ALK: variants seen among roughly 807,000 people sequenced by gnomAD.
ALK encodes ALK tyrosine kinase receptor.
Under a neutral mutation model 163.1 loss-of-function variants are expected in ALK, and 74 were observed. That is an observed-to-expected ratio of 0.45 (90% CI 0.38 to 0.55). The LOEUF (loss-of-function observed/expected upper bound fraction) is 0.55, where lower values mean the gene tolerates loss of function less well. ALK is among the 20% of genes least tolerant of loss of function. The pLI is 0.00. For missense variants in ALK, 2,063 were observed against 2,105.3 expected, an observed-to-expected ratio of 0.98 and a Z score of 0.39; for synonymous variants, 960 against 843.2, an observed-to-expected ratio of 1.14 and a Z score of -2.40.
intron 1 of ALK, among the ~76,000 whole-genome samples, chr2:29,756,728 T>A (rs1371471130): frequency 6.6e-6 from 1 of 152,110 alleles, no homozygotes; most frequent in Non-Finnish European, 1.5e-5. Context: ...GGTTTCACCA[T>A]GTTAGCCAGG....
At chr2:29,506,751 C>A (rs112281425) in intron 4 of ALK, among the ~76,000 whole-genome samples, 8,957 of 99,646 alleles carry the variant, frequency 0.09, 950 homozygotes, top group African/African-American at 0.24. Context: ...GTCTCAAAAA[C>A]AAAACAAAAA....
chr2:29,654,943 C>T (rs189393150), intron 3 of ALK, among the ~76,000 whole-genome samples: 6 of 152,170 alleles, frequency 3.9e-5, no homozygotes, highest in African/African-American at 1.2e-4. Context: ...GAAAAGATGA[C>T]GAACTGGCTG....
Position 29,635,777 on chromosome 2 carries a change from A to AT in ALK, c.952+59072dup, listed in dbSNP as rs1553340446. Among the ~76,000 whole-genome samples the AT allele has an allele frequency of 9.1e-3, 824 of 90,588 alleles. 2 individuals are homozygous for AT. Among genetic ancestry groups the AT allele is most frequent in the Non-Finnish European group, 0.011 (407 of 36,540 alleles). The allele number at this position is 90,588 out of a possible 152,430, so 59.4% of individuals were successfully genotyped here. On this transcript the variant is annotated intron_variant, in intron 3 of 28. Transcript: ENST00000389048. Reference sequence around the variant, plus strand: ...ACCACCATGCCTGGATAATTTTTGTATTTTTTTTTTTTAATTATACTTTAA... The same window carrying AT: ...ACCACCATGCCTGGATAATTTTTGTATTTTTTTTTTTTTAATTATACTTTAA...
At chr2:29,856,258 TA>T in intron 1 of ALK, among the ~76,000 whole-genome samples, 1 of 152,168 alleles carries the variant, frequency 6.6e-6, no homozygotes, top group Non-Finnish European at 1.5e-5. Context: ...CTCTCATCTG[TA>T]AAGTGAGAAA....
chr2:29,272,594 G>A (rs184719119), intron 11 of ALK, among the ~76,000 whole-genome samples: 4 of 152,304 alleles, frequency 2.6e-5, no homozygotes, highest in East Asian at 3.9e-4. Context: ...GGGCCTTTGC[G>A]TTTCTAGTTC....
intron 3 of ALK, among the ~76,000 whole-genome samples, chr2:29,675,080 T>A (rs1304021479): frequency 6.6e-6 from 1 of 152,034 alleles, no homozygotes; most frequent in East Asian, 1.9e-4. Context: ...TCTTTATTAG[T>A]CTTGCTAGTG....
intron 1 of ALK, among the ~76,000 whole-genome samples, chr2:29,830,713 T>TAAAAAAAAAAAAAAAAAAAA (rs530774574): frequency 3.5e-5 from 1 of 28,966 alleles, no homozygotes; most frequent in African/African-American, 1.1e-4. Flanking sequence ...TAAAATAGTT[T>TAAAAAAAAAAAAAAAAAAAA]AAAAAAAAAA....
intron 4 of ALK, among the ~76,000 whole-genome samples, chr2:29,485,838 C>T (rs13383676): frequency 0.41 from 62,514 of 152,010 alleles, 13,548 homozygotes; most frequent in Non-Finnish European, 0.48. Flanking sequence ...CTGCAACTTG[C>T]GAAAAACAGT....
At position 29,799,005 on chromosome 2, in the gene ALK, A is replaced by C. The variant is rs187727663; in HGVS notation, c.668-81308T>G. 8.5e-5 allele frequency among the ~76,000 whole-genome samples: 13 copies of C among 152,322 alleles called. 1 individual carries two copies. The highest frequency in any genetic ancestry group is 8.5e-4 in the Admixed American group (13 of 15,296). On this transcript the variant is annotated intron_variant, in intron 1 of 28. Coordinates refer to ENST00000389048, the MANE Select transcript of ALK (RefSeq NM_004304.5). ...CTGAGTTTCCATTCTCTCGTCTATA[A>C]AATAGAAATTTTAGAAAATTTGCTC...
intron 1 of ALK, among the ~76,000 whole-genome samples, chr2:29,867,326 G>A (rs182430567): frequency 1.9e-4 from 29 of 152,206 alleles, no homozygotes; most frequent in African/African-American, 6.3e-4. Flanking sequence ...TGTTCTCCAG[G>A]GCGAAGGTAG....
intron 1 of ALK, among the ~76,000 whole-genome samples, chr2:29,901,581 T>C (rs1667415265): frequency 6.6e-6 from 1 of 152,220 alleles, no homozygotes; most frequent in Non-Finnish European, 1.5e-5. Context: ...ATTGCATTAT[T>C]GGCCAAGCCG....
chr2:29,281,209 A>G (rs868253032), intron 9 of ALK, among the ~76,000 whole-genome samples: 1 of 152,214 alleles, frequency 6.6e-6, no homozygotes, highest in African/African-American at 2.4e-5. Context: ...ACCCTGACAC[A>G]TCACTGCCAA....
chr2:29,280,539 G>A (rs1399182946), intron 9 of ALK, among the ~76,000 whole-genome samples: 1 of 151,206 alleles, frequency 6.6e-6, no homozygotes, highest in African/African-American at 2.4e-5. Context: ...AACACTGTGG[G>A]ACTGAGGGGA....
intron 4 of ALK, among the ~76,000 whole-genome samples, chr2:29,413,689 G>T (rs1669792828): frequency 6.6e-6 from 1 of 152,016 alleles, no homozygotes; most frequent in Non-Finnish European, 1.5e-5. Flanking sequence ...CCTCCACCAT[G>T]CCCGGCTAAT....
rs1035241976 is a variant in ALK at position 29,671,394 on chromosome 2, T to C, written c.952+23456A>G. ...CAGCCACATTGATTTGGCATCTCCTTTGGCTGAGTTACAGAGTAGAGTTTC... is the reference window on the plus strand; with the variant it reads ...CAGCCACATTGATTTGGCATCTCCTCTGGCTGAGTTACAGAGTAGAGTTTC... On this transcript the variant is annotated intron_variant, in intron 3 of 28. Coordinates refer to ENST00000389048, the MANE Select transcript of ALK (RefSeq NM_004304.5). Among the ~76,000 whole-genome samples the C allele has an allele frequency of 8.5e-5, 13 of 152,166 alleles. No individual in the cohort carries two copies. In the South Asian group the frequency reaches 1.0e-3, roughly 12 times the overall value.
At chr2:29,787,460 G>A (rs1664064497) in intron 1 of ALK, among the ~76,000 whole-genome samples, 1 of 152,164 alleles carries the variant, frequency 6.6e-6, no homozygotes, top group Admixed American at 6.5e-5. Context: ...AGCACTTACT[G>A]GACTCATACT....
chr2:29,252,058 C>T (rs902199477), intron 11 of ALK, among the ~76,000 whole-genome samples: 12 of 152,196 alleles, frequency 7.9e-5, no homozygotes, highest in Non-Finnish European at 1.3e-4. Context: ...GTCTTTGGTG[C>T]ATGCTCCTCC....
Position 29,276,135 on chromosome 2 carries a change from G to A in ALK, c.1818-639C>T, listed in dbSNP as rs569266997. The stretch of plus-strand genomic sequence containing the variant: ...CCAGCACCCATAGGGTTTATCCATT[G>A]ATTAGCCCAGCAGGGGTCTCAAGCA... On this transcript the variant is annotated intron_variant, in intron 9 of 28. Transcript: ENST00000389048. Among the ~76,000 whole-genome samples the A allele has an allele frequency of 2.5e-4, 38 of 152,252 alleles. 1 individual carries two copies. The South Asian group carries it at 4.4e-3, about 17-fold the overall frequency.
At chr2:29,620,371 C>A (rs1446849349) in intron 3 of ALK, among the ~76,000 whole-genome samples, 1 of 152,136 alleles carries the variant, frequency 6.6e-6, no homozygotes, top group African/African-American at 2.4e-5. Flanking sequence ...TTATAAGGAT[C>A]TACCTTCCTC....
Sources: gnomAD v4.1 joint callset for allele counts (sites outside exome capture counted in the v4.1 genomes callset) on GRCh38, gnomAD v4.1.1 for gene constraint, MANE v1.5 for transcripts, NCBI Gene and HGNC (gene_info 2026-07-23, HGNC 2026-07-21) for gene names.